SLC2A12: variants seen among roughly 807,000 people sequenced by gnomAD.
SLC2A12 encodes the protein solute carrier family 2 member 12, also known as solute carrier family 2, facilitated glucose transporter member 12.
SLC2A12 carries 23 observed loss-of-function variants against 41.8 expected under a neutral mutation model. That is an observed-to-expected ratio of 0.55 (90% CI 0.40 to 0.78). The LOEUF (loss-of-function observed/expected upper bound fraction) is 0.78, where lower values mean the gene tolerates loss of function less well. Ranked by LOEUF, SLC2A12 falls within the 30% of genes least tolerant of loss-of-function variation. SLC2A12 has a pLI of 0.00. For missense variants in SLC2A12, 654 were observed against 745.6 expected, an observed-to-expected ratio of 0.88 and a Z score of 1.43; for synonymous variants, 295 against 285.9, an observed-to-expected ratio of 1.03 and a Z score of -0.32.
At chr6:134,002,906 T>C (rs551833246) in intron 3 of SLC2A12, among the ~76,000 whole-genome samples, 6 of 149,632 alleles carry the variant, frequency 4.0e-5, no homozygotes, top group African/African-American at 1.5e-4. Context: ...TTTGTAGTCA[T>C]GGACCAAGTC....
intron 4 of SLC2A12, among the ~76,000 whole-genome samples, chr6:133,999,407 T>C (rs1298858921): frequency 1.3e-5 from 2 of 152,254 alleles, no homozygotes; most frequent in African/African-American, 2.4e-5. Context: ...CTTCATCTCA[T>C]CAAGAGGTTA....
In SLC2A12 at chr6:133,987,635, T is replaced by C. The variant is rs569289487; in HGVS notation, c.*3520A>G. 2 of 147,034 alleles carry C rather than the reference T, an allele frequency of 1.4e-5. No homozygotes were observed. Among genetic ancestry groups the C allele is most frequent in the South Asian group, 4.2e-4 (2 of 4,780 alleles). The allele number at this position is 147,034 out of a possible 1,614,324, so 9.1% of individuals were successfully genotyped here. A position where few individuals can be genotyped will look rare whatever the true frequency, so the allele number is the denominator to read the frequency against. On this transcript the variant is annotated 3_prime_UTR_variant, in exon 5 of 5. Coordinates refer to ENST00000275230, the MANE Select transcript of SLC2A12 (RefSeq NM_145176.3). ...TTTTGAAGTGTATTTTGTGTGTGTG[T>C]GTGTGTGTGTGTGTATATATATATA...
In SLC2A12 at chr6:133,995,739, C is replaced by T. The variant is rs147699469; in HGVS notation, c.1701-4431G>A. On this transcript the variant is annotated intron_variant, in intron 4 of 4. Coordinates refer to ENST00000275230, the MANE Select transcript of SLC2A12 (RefSeq NM_145176.3). ...TAAATCAGATCATGTCACTGCCCTG[C>T]TTAAAATCCTTCAGTAGCTTCCACT... Among the ~76,000 whole-genome samples, 1,020 of 152,292 alleles carry T rather than the reference C, an allele frequency of 6.7e-3. 16 individuals carry two copies. Among genetic ancestry groups the T allele is most frequent in the African/African-American group, 0.023 (966 of 41,558 alleles).
intron 2 of SLC2A12, among the ~76,000 whole-genome samples, chr6:134,025,718 G>C (rs1777104228): frequency 1.3e-5 from 2 of 152,068 alleles, no homozygotes; most frequent in Admixed American, 6.5e-5. Flanking sequence ...GCTGTTTTTT[G>C]TATTTTTAGT....
rs551317095 is a variant in SLC2A12 at position 134,014,532 on chromosome 6, C to A, written c.1445-7598G>T. ...ACTTGAATGTCATGGCTTCGGAGAT[C>A]ATATTTGATGTTGTACATTTTTCAT... On this transcript the variant is annotated intron_variant, in intron 2 of 4. Coordinates refer to ENST00000275230, the MANE Select transcript of SLC2A12 (RefSeq NM_145176.3). Among the ~76,000 whole-genome samples the A allele has an allele frequency of 7.2e-5, 11 of 152,286 alleles. No homozygotes were observed. The South Asian group carries it at 1.4e-3, about 20-fold the overall frequency.
chr6:133,993,578 C>T (rs1412261868), intron 4 of SLC2A12, among the ~76,000 whole-genome samples: 2 of 152,146 alleles, frequency 1.3e-5, no homozygotes, highest in Non-Finnish European at 2.9e-5. Flanking sequence ...AACAAAATTC[C>T]CTGGCTTCAT....
At chr6:134,039,148 T>A (rs1315144543) in intron 1 of SLC2A12, among the ~76,000 whole-genome samples, 1 of 152,218 alleles carries the variant, frequency 6.6e-6, no homozygotes. Context: ...TTAGACACAG[T>A]TATTTATATG....
chr6:134,051,868 C>T (rs1773688394), intron 1 of SLC2A12, among the ~76,000 whole-genome samples: 1 of 152,138 alleles, frequency 6.6e-6, no homozygotes, highest in African/African-American at 2.4e-5. Context: ...TCATTGATTA[C>T]ATAACTAATA....
rs1776588608 is a variant in SLC2A12 at position 133,989,448 on chromosome 6, G to A, written c.*1707C>T. On this transcript the variant is annotated 3_prime_UTR_variant, in exon 5 of 5. Coordinates refer to ENST00000275230, the MANE Select transcript of SLC2A12 (RefSeq NM_145176.3). The stretch of plus-strand genomic sequence containing the variant: ...AATTTCCTGCCCATTTATAATGAAG[G>A]GCTAAACAAAAAATACCTGAAGTAT... 6.6e-6 allele frequency: 1 copy of A among 151,834 alleles called. No homozygotes were observed. Among genetic ancestry groups the A allele is most frequent in the Admixed American group, 6.6e-5 (1 of 15,244 alleles). The allele number at this position is 151,834 out of a possible 1,614,324, so 9.4% of individuals were successfully genotyped here.
In SLC2A12 at chr6:133,990,448, AT is replaced by A. The variant is rs1776605056; in HGVS notation, c.*706del. ...GATTTTAAAATTGTCTTTTCTATGC[AT>A]TTTTTAAAAATGGAAAAAAATGCTC... On this transcript the variant is annotated 3_prime_UTR_variant, in exon 5 of 5. Transcript: ENST00000275230. The A allele has an allele frequency of 6.6e-6, 1 of 152,594 alleles. No individual in the cohort carries two copies. Among genetic ancestry groups the A allele is most frequent in the Admixed American group, 6.6e-5 (1 of 15,260 alleles). The allele number at this position is 152,594 out of a possible 1,614,324, so 9.5% of individuals were successfully genotyped here.
At chr6:134,013,416 G>T (rs1453754891) in intron 2 of SLC2A12, among the ~76,000 whole-genome samples, 3 of 152,000 alleles carry the variant, frequency 2.0e-5, no homozygotes, top group Admixed American at 6.6e-5. Context: ...ACTATAAATG[G>T]ATCAAAATTA....
intron 2 of SLC2A12, chr6:134,008,892 C>G (rs773703973): frequency 6.6e-6 from 1 of 152,164 alleles, no homozygotes; most frequent in Non-Finnish European, 1.5e-5. Flanking sequence ...AAAGGGCACT[C>G]TCATTTTCTT....
intron 2 of SLC2A12, among the ~76,000 whole-genome samples, chr6:134,013,805 T>C (rs911909321): frequency 6.6e-6 from 1 of 152,216 alleles, no homozygotes; most frequent in Admixed American, 6.5e-5. Flanking sequence ...GGCTTTAGAC[T>C]CATTTTTGAA....
At chr6:134,041,347 A>C (rs1486949217) in intron 1 of SLC2A12, among the ~76,000 whole-genome samples, 1 of 152,178 alleles carries the variant, frequency 6.6e-6, no homozygotes, top group Non-Finnish European at 1.5e-5. Flanking sequence ...GACAAGGCAC[A>C]GTGGCTCACA....
chr6:134,032,444 AT>A (rs1562201661), intron 1 of SLC2A12, among the ~76,000 whole-genome samples: 1,775 of 38,304 alleles, frequency 0.046, 26 homozygotes, highest in Non-Finnish European at 0.073. Flanking sequence ...ATATATATAT[AT>A]ATAAATATAT....
In SLC2A12 at chr6:134,029,828, T is replaced by A. The variant is rs1399167083; in HGVS notation, c.104-107A>T. 2.2e-6 allele frequency: 3 copies of A among 1,343,224 alleles called. No individual in the cohort carries two copies. The African/African-American group carries it at 4.4e-5, about 20-fold the overall frequency. 83.2% of individuals were successfully genotyped at this position (1,343,224 alleles called of 1,614,324 possible). A position where few individuals can be genotyped will look rare whatever the true frequency, so the allele number is the denominator to read the frequency against. ...TGTAGAAGTCTTTCATAGCACTGGG[T>A]TTAAACGAACACACAATTATGATAA... On this transcript the variant is annotated intron_variant, in intron 1 of 4. Transcript: ENST00000275230.
Position 134,028,596 on chromosome 6 carries a change from C to A in SLC2A12, c.1229G>T (p.Gly410Val), listed in dbSNP as rs1233763803. 6.2e-7 allele frequency: 1 copy of A among 1,614,080 alleles called. No homozygotes were observed. The highest frequency in any genetic ancestry group is 8.5e-7 in the Non-Finnish European group (1 of 1,180,012). Residue 410 changes from glycine (G) to valine (V), a missense_variant, in exon 2 of 5, where the codon GGG (glycine) becomes GTG (valine). Physicochemically the swap from Gly to Val is moderately radical, Grantham distance 109. Around this residue, in one of 3 missense-constraint regions of SLC2A12, gnomAD observed 411 missense variants for 412.1 expected, o/e 1.00. Transcript: ENST00000275230. ...TGAGCTTCTGCTATGGGAAGAAATC[C>A]CTTTGAAGTGGTCTCTGAGAGTATT... Reference protein sequence around the residue: ...NNNTLRDHFKGISSHSRSSLM... With the variant: ...NNNTLRDHFKVISSHSRSSLM...
At chr6:134,032,420 ATATATT>A (rs1428384127) in intron 1 of SLC2A12, among the ~76,000 whole-genome samples, 3 of 36,522 alleles carry the variant, frequency 8.2e-5, no homozygotes, top group South Asian at 1.2e-3. Context: ...ATATATATAT[ATATATT>A]TATATATATA....
At chr6:134,021,422 G>A (rs1433391400) in intron 2 of SLC2A12, among the ~76,000 whole-genome samples, 3 of 152,158 alleles carry the variant, frequency 2.0e-5, no homozygotes, top group Non-Finnish European at 2.9e-5. Flanking sequence ...AATGCTTACA[G>A]TCTATAACTA....
Sources: gnomAD v4.1 joint callset for allele counts (sites outside exome capture counted in the v4.1 genomes callset) on GRCh38, gnomAD v4.1.1 for gene constraint, gnomAD v4.1.1 regional missense constraint, MANE v1.5 for transcripts, NCBI Gene and HGNC (gene_info 2026-07-23, HGNC 2026-07-21) for gene names.